The following UCK2 variants were observed in gnomAD, a reference collection of about 807,000 sequenced individuals.
UCK2 encodes the protein cytidine monophosphokinase 2.
Under a neutral mutation model 30.8 loss-of-function variants are expected in UCK2, and 6 were observed. That is an observed-to-expected ratio of 0.19 (90% CI 0.11 to 0.38). The LOEUF is 0.38. Among genes scored for constraint, UCK2 ranks in the 10% least tolerant of loss-of-function variants. The pLI is 1.00. For missense variants in UCK2, 210 were observed against 339.8 expected (o/e 0.62, Z 3.00); for synonymous variants, 125 against 133.6 (o/e 0.94, Z 0.45).
chr1:165,885,298 C>T, intron 1 of UCK2: 1 of 398,162 alleles, frequency 2.5e-6, no homozygotes, highest in East Asian at 3.6e-5. Flanking sequence ...TTCTAAGCTC[C>T]AGTTTCCTCA....
chr1:165,848,057 G>T (rs1393388996), intron 1 of UCK2, among the ~76,000 whole-genome samples: 2 of 152,166 alleles, frequency 1.3e-5, no homozygotes, highest in African/African-American at 4.8e-5. Flanking sequence ...TTCATCTTCT[G>T]ATGCAATTAT....
At chr1:165,842,550 C>G (rs977066785) in intron 1 of UCK2, among the ~76,000 whole-genome samples, 1 of 152,208 alleles carries the variant, frequency 6.6e-6, no homozygotes, top group Non-Finnish European at 1.5e-5. Context: ...CACATCCATC[C>G]TGTCTCCTGG....
At chr1:165,885,462 C>A in intron 1 of UCK2, 1 of 397,336 alleles carries the variant, frequency 2.5e-6, no homozygotes, top group South Asian at 1.3e-4. Context: ...CTTGTATTGA[C>A]CTTCACCTAA....
At chr1:165,886,198 G>C (rs547270472) in intron 1 of UCK2, among the ~76,000 whole-genome samples, 1 of 152,322 alleles carries the variant, frequency 6.6e-6, no homozygotes, top group African/African-American at 2.4e-5. Context: ...CACTGTAACA[G>C]TTGTACCCTT....
At chr1:165,863,630 A>G (rs1571278853) in intron 1 of UCK2, among the ~76,000 whole-genome samples, 1 of 152,362 alleles carries the variant, frequency 6.6e-6, no homozygotes, top group East Asian at 1.9e-4. Context: ...TTTCAAACCA[A>G]GGGCTTCTGA....
chr1:165,901,298 C>T (rs1254211952), intron 4 of UCK2, among the ~76,000 whole-genome samples: 2 of 152,168 alleles, frequency 1.3e-5, no homozygotes, highest in East Asian at 3.9e-4. Context: ...GGAGCTGTTA[C>T]AAAAGTCGAA....
intron 1 of UCK2, among the ~76,000 whole-genome samples, chr1:165,848,572 G>A (rs1178806962): frequency 3.9e-5 from 6 of 152,008 alleles, no homozygotes; most frequent in African/African-American, 1.5e-4. Flanking sequence ...GGCGGAGGTT[G>A]TAGTGAGCTG....
At chr1:165,900,966 G>C (rs534699972) in intron 4 of UCK2, among the ~76,000 whole-genome samples, 1 of 152,120 alleles carries the variant, frequency 6.6e-6, no homozygotes, top group Non-Finnish European at 1.5e-5. Flanking sequence ...ATCTGGAGAC[G>C]TGTGAAGAAT....
chr1:165,867,665 G>C (rs1484785665), intron 1 of UCK2, among the ~76,000 whole-genome samples: 18 of 152,248 alleles, frequency 1.2e-4, no homozygotes, highest in African/African-American at 4.3e-4. Context: ...ATTTTATTAT[G>C]AGATTGCAAC....
intron 1 of UCK2, among the ~76,000 whole-genome samples, chr1:165,877,346 A>G (rs1655362575): frequency 6.6e-6 from 1 of 152,232 alleles, no homozygotes; most frequent in African/African-American, 2.4e-5. Context: ...CCCATATTAC[A>G]AAAGACACCG....
At chr1:165,859,904 T>C (rs1654851732) in intron 1 of UCK2, among the ~76,000 whole-genome samples, 1 of 152,176 alleles carries the variant, frequency 6.6e-6, no homozygotes. Flanking sequence ...CCTGCCCACC[T>C]TGTCCACCCT....
At chr1:165,901,006 G>A (rs1647440639) in intron 4 of UCK2, among the ~76,000 whole-genome samples, 1 of 152,112 alleles carries the variant, frequency 6.6e-6, no homozygotes, top group Non-Finnish European at 1.5e-5. Context: ...GTGTTTTGGC[G>A]GTGCTACTCT....
chr1:165,859,857 A>T (rs1047739399), intron 1 of UCK2, among the ~76,000 whole-genome samples: 2 of 151,920 alleles, frequency 1.3e-5, no homozygotes, highest in African/African-American at 4.8e-5. Flanking sequence ...CCCAAACTCA[A>T]CTCTGGGGAA....
At chr1:165,862,662 TCCA>T (rs1234985075) in intron 1 of UCK2, among the ~76,000 whole-genome samples, 2 of 152,196 alleles carry the variant, frequency 1.3e-5, no homozygotes, top group Non-Finnish European at 2.9e-5. Flanking sequence ...CAACCCAGCC[TCCA>T]CTGACTTTAG....
chr1:165,873,821 A>T (rs1341420255), intron 1 of UCK2, among the ~76,000 whole-genome samples: 1 of 151,212 alleles, frequency 6.6e-6, no homozygotes. Flanking sequence ...CTTTCAAACC[A>T]TTCTCCCTCC....
At chr1:165,852,099 G>GGTAATGGGA (rs1361232381) in intron 1 of UCK2, among the ~76,000 whole-genome samples, 1 of 152,114 alleles carries the variant, frequency 6.6e-6, no homozygotes, top group Non-Finnish European at 1.5e-5. Flanking sequence ...GTGCATACAC[G>GGTAATGGGA]GTAATGGGAT....
At chr1:165,845,670 CATTG>C (rs531653796) in intron 1 of UCK2, among the ~76,000 whole-genome samples, 1 of 152,038 alleles carries the variant, frequency 6.6e-6, no homozygotes, top group Admixed American at 6.6e-5. Flanking sequence ...TTTGTTTGTT[CATTG>C]ATTGATTGAT....
At chr1:165,883,792 TTGC>T (rs1655555993) in intron 1 of UCK2, among the ~76,000 whole-genome samples, 1 of 152,182 alleles carries the variant, frequency 6.6e-6, no homozygotes, top group Non-Finnish European at 1.5e-5. Context: ...ACAATAAATC[TTGC>T]TGCTGAAAAA....
At chr1:165,837,859 T>C (rs1012965964) in intron 1 of UCK2, among the ~76,000 whole-genome samples, 4 of 152,212 alleles carry the variant, frequency 2.6e-5, no homozygotes, top group Non-Finnish European at 4.4e-5. Context: ...TTGAACGTGC[T>C]CAATCTTTAA....
Sources: allele counts gnomAD v4.1 joint callset (sites outside exome capture counted in the v4.1 genomes callset), GRCh38; gene constraint gnomAD v4.1.1; transcripts MANE v1.5; gene names NCBI Gene and HGNC (gene_info 2026-07-23, HGNC 2026-07-21).